Variants in ADAM23 observed in about 807,000 individuals in gnomAD.
The protein encoded by ADAM23 is ADAM metallopeptidase domain 23.
Under a neutral mutation model 120.1 loss-of-function variants are expected in ADAM23, and 33 were observed. The observed-to-expected ratio is 0.27, with a 90% CI of 0.21 to 0.37. The LOEUF is 0.37. Ranked by LOEUF, ADAM23 falls within the 10% of genes least tolerant of loss-of-function variation. The pLI is 1.00. For synonymous variants in ADAM23, 367 were observed against 375.2 expected, an observed-to-expected ratio of 0.98 and a Z score of 0.25; for missense variants, 862 against 1,058.2, an observed-to-expected ratio of 0.81 and a Z score of 2.57.
intron 18 of ADAM23, among the ~76,000 whole-genome samples, chr2:206,576,861 T>C (rs779351545): frequency 2.9e-4 from 44 of 152,174 alleles, no homozygotes; most frequent in Non-Finnish European, 5.9e-4. Flanking sequence ...ATTTGAAAGA[T>C]AGCAGAAATA....
intron 3 of ADAM23, among the ~76,000 whole-genome samples, chr2:206,519,485 T>G (rs1322837289): frequency 6.6e-6 from 1 of 152,148 alleles, no homozygotes; most frequent in Non-Finnish European, 1.5e-5. Context: ...CTATGAAATG[T>G]GCTCAGAAGG....
chr2:206,544,782 T>C (rs963802946), intron 6 of ADAM23, among the ~76,000 whole-genome samples: 1 of 151,966 alleles, frequency 6.6e-6, no homozygotes, highest in Non-Finnish European at 1.5e-5. Flanking sequence ...CCAGCTAATT[T>C]TTTGTATTTT....
chr2:206,494,199 A>G (rs1049699818), intron 3 of ADAM23, among the ~76,000 whole-genome samples: 1 of 152,200 alleles, frequency 6.6e-6, no homozygotes, highest in Non-Finnish European at 1.5e-5. Flanking sequence ...ACCATACTGC[A>G]CATTACATCC....
At chr2:206,615,372 T>C (rs969696750) in intron 25 of ADAM23, among the ~76,000 whole-genome samples, 5 of 152,246 alleles carry the variant, frequency 3.3e-5, no homozygotes, top group Admixed American at 6.5e-5. Context: ...GAAACCGTTA[T>C]GAAGAAAGTC....
intron 18 of ADAM23, among the ~76,000 whole-genome samples, chr2:206,574,693 C>G (rs746881975): frequency 2.0e-5 from 3 of 152,138 alleles, no homozygotes; most frequent in Non-Finnish European, 4.4e-5. Flanking sequence ...GTCCACCTTT[C>G]TTAATTCTCC....
chr2:206,446,767 C>G (rs899437133), intron 2 of ADAM23, among the ~76,000 whole-genome samples: 1 of 152,060 alleles, frequency 6.6e-6, no homozygotes, highest in Non-Finnish European at 1.5e-5. Flanking sequence ...ATAAATGTGT[C>G]TCTGTTCTCA....
chr2:206,476,974 C>T (rs1248278892), intron 2 of ADAM23, among the ~76,000 whole-genome samples: 5 of 152,130 alleles, frequency 3.3e-5, no homozygotes, highest in South Asian at 4.1e-4. Flanking sequence ...ACATGTATAT[C>T]CTGCAAATGG....
At chr2:206,453,480 A>G (rs1231167536) in intron 2 of ADAM23, among the ~76,000 whole-genome samples, 1 of 152,252 alleles carries the variant, frequency 6.6e-6, no homozygotes, top group Non-Finnish European at 1.5e-5. Context: ...CACAATTGAT[A>G]TGGGCACCCT....
intron 25 of ADAM23, among the ~76,000 whole-genome samples, chr2:206,611,892 A>G (rs1698834337): frequency 6.6e-6 from 1 of 152,214 alleles, no homozygotes; most frequent in African/African-American, 2.4e-5. Context: ...GGGGATCAGC[A>G]CTTAGTGAGA....
intron 12 of ADAM23, among the ~76,000 whole-genome samples, chr2:206,561,718 G>A (rs1273037873): frequency 6.6e-6 from 1 of 151,884 alleles, no homozygotes; most frequent in Non-Finnish European, 1.5e-5. Context: ...GTTTTATAAA[G>A]GAAATTCTTA....
At position 206,565,068 on chromosome 2, in the gene ADAM23, G is replaced by A; in HGVS notation, c.1394G>A (p.Gly465Glu). ...SWGGCIMEET[G>E]VSHSRKFSKC... ...GGTGGCTGCATCATGGAGGAAACAG[G>A]GTAAATTTTCATTATGCGTGCATTT... The change falls in exon 14 of 26, where the codon GGG (glycine) becomes GAG (glutamate). Residue 465 changes from glycine to glutamate, a missense_variant and splice_region_variant. Transcript: ENST00000264377. The A allele has an allele frequency of 1.2e-6, 2 of 1,613,854 alleles. No individual in the cohort carries two copies. Among genetic ancestry groups the A allele is most frequent in the Non-Finnish European group, 1.7e-6 (2 of 1,179,880 alleles).
chr2:206,503,543 G>A (rs1417120911), intron 3 of ADAM23, among the ~76,000 whole-genome samples: 1 of 152,046 alleles, frequency 6.6e-6, no homozygotes, highest in African/African-American at 2.4e-5. Context: ...TTCTGCCACT[G>A]GGGGGAAATC....
intron 3 of ADAM23, among the ~76,000 whole-genome samples, chr2:206,502,589 G>T (rs1559237096): frequency 1.3e-5 from 2 of 152,050 alleles, no homozygotes; most frequent in South Asian, 4.1e-4. Context: ...GTTGTTAATT[G>T]TCTTTCACAT....
At chr2:206,574,853 T>C (rs770532940) in intron 18 of ADAM23, among the ~76,000 whole-genome samples, 7 of 152,208 alleles carry the variant, frequency 4.6e-5, no homozygotes, top group Non-Finnish European at 1.0e-4. Flanking sequence ...AATTTACCTA[T>C]TTTATGTGTT....
At chr2:206,461,459 A>G (rs1207787314) in intron 2 of ADAM23, among the ~76,000 whole-genome samples, 1 of 152,182 alleles carries the variant, frequency 6.6e-6, no homozygotes, top group Non-Finnish European at 1.5e-5. Flanking sequence ...TGGCTGTGCA[A>G]TAGATAGCCA....
chr2:206,542,639 A>G (rs1697315583), intron 5 of ADAM23, among the ~76,000 whole-genome samples: 1 of 152,152 alleles, frequency 6.6e-6, no homozygotes, highest in Non-Finnish European at 1.5e-5. Context: ...GTAGCACCTC[A>G]TATAAAGACT....
intron 9 of ADAM23, among the ~76,000 whole-genome samples, chr2:206,555,063 T>C (rs971627132): frequency 1.3e-4 from 20 of 152,150 alleles, no homozygotes; most frequent in African/African-American, 4.6e-4. Context: ...CTTTGTATAC[T>C]CTCTACCTAA....
chr2:206,486,182 C>T lies in ADAM23; in HGVS notation c.509+4874C>T, dbSNP rs548633681. Among the ~76,000 whole-genome samples the T allele has an allele frequency of 6.6e-5, 10 of 152,214 alleles. No homozygotes were observed. The South Asian group carries it at 1.5e-3, about 22-fold the overall frequency. On this transcript the variant is annotated intron_variant, in intron 3 of 25. Transcript: ENST00000264377. ...TGGTCAGATTTCTATTTTATTTAGC[C>T]CCAAAGGTCTTAGTTATGGCCTTAG...
intron 4 of ADAM23, among the ~76,000 whole-genome samples, chr2:206,535,499 T>A (rs1327935489): frequency 1.3e-5 from 2 of 152,176 alleles, no homozygotes; most frequent in Non-Finnish European, 2.9e-5. Context: ...ACAAAGAAAC[T>A]TGTACATAAA....
Sources: allele counts gnomAD v4.1 joint callset (sites outside exome capture counted in the v4.1 genomes callset), GRCh38; gene constraint gnomAD v4.1.1; transcripts MANE v1.5; gene names NCBI Gene and HGNC (gene_info 2026-07-23, HGNC 2026-07-21).